LIN9: variants seen among roughly 807,000 people sequenced by gnomAD.
The protein encoded by LIN9 is protein lin-9 homolog.
In LIN9, 18 loss-of-function variants were observed where a neutral mutation model predicts 78.0. The observed-to-expected ratio is 0.23, with a 90% CI of 0.16 to 0.34. The LOEUF (loss-of-function observed/expected upper bound fraction) is 0.34. LIN9 is among the 10% of genes least tolerant of loss of function. The probability of loss-of-function intolerance (pLI) is 1.00; values close to 1 mark genes in which losing one functional copy is unlikely to be tolerated. For missense variants in LIN9, 451 were observed against 644.1 expected (o/e 0.70, Z 3.25); for synonymous variants, 192 against 215.2 (o/e 0.89, Z 0.94).
intron 10 of LIN9, among the ~76,000 whole-genome samples, chr1:226,264,854 G>GAATA (rs1659817288): frequency 6.6e-6 from 1 of 151,774 alleles, no homozygotes; most frequent in African/African-American, 2.4e-5. Context: ...GTCTCAAAAT[G>GAATA]AATAAATAAA....
At chr1:226,271,252 C>T (rs182071424) in intron 7 of LIN9, among the ~76,000 whole-genome samples, 2 of 152,318 alleles carry the variant, frequency 1.3e-5, no homozygotes, top group African/African-American at 4.8e-5. Flanking sequence ...GTGCTTCTAA[C>T]TCTGTATCTG....
intron 4 of LIN9, among the ~76,000 whole-genome samples, chr1:226,288,677 G>T (rs1002752465): frequency 3.9e-5 from 6 of 151,918 alleles, no homozygotes; most frequent in African/African-American, 1.5e-4. Context: ...GCACAAAAAT[G>T]GACATAAACA....
intron 4 of LIN9, among the ~76,000 whole-genome samples, chr1:226,292,929 A>G (rs1661886529): frequency 2.0e-5 from 3 of 152,216 alleles, no homozygotes. Context: ...AATGGGAAAT[A>G]ATGTAACAGT....
At chr1:226,307,971 C>T (rs1663023582) in intron 1 of LIN9, among the ~76,000 whole-genome samples, 1 of 152,186 alleles carries the variant, frequency 6.6e-6, no homozygotes. Flanking sequence ...TTTTCACCAG[C>T]TTGGCAACTT....
chr1:226,288,873 A>C (rs1468720890), intron 4 of LIN9, among the ~76,000 whole-genome samples: 1 of 152,234 alleles, frequency 6.6e-6, no homozygotes, highest in African/African-American at 2.4e-5. Context: ...CAAAATGCCA[A>C]CAGGATTTTT....
At position 226,277,712 on chromosome 1, in the gene LIN9, C is replaced by T; in HGVS notation, c.682+63G>A. ...TGAAATAAAATAAGAACCAAAGAAA[C>T]AAAAAAGATTACCTTGATTAAAAAT... On this transcript the variant is annotated intron_variant, in intron 7 of 14. Transcript: ENST00000681046. 4 of 1,426,492 alleles carry T rather than the reference C, an allele frequency of 2.8e-6. No homozygotes were observed. The South Asian group carries it at 3.7e-5, about 13-fold the overall frequency. 88.4% of individuals were successfully genotyped at this position (1,426,492 alleles called of 1,614,324 possible). A position where few individuals can be genotyped will look rare whatever the true frequency, so the allele number is the denominator to read the frequency against.
At chr1:226,233,555 T>A (rs762120774) in intron 12 of LIN9, 32 bp from the exon 13 acceptor site, 14 of 1,532,724 alleles carry the variant, frequency 9.1e-6, no homozygotes, top group East Asian at 7.0e-5. Context: ...ATGAGACGCA[T>A]GTTCGAGAAG....
intron 4 of LIN9, among the ~76,000 whole-genome samples, chr1:226,291,632 T>C (rs1661800630): frequency 1.3e-5 from 2 of 152,172 alleles, no homozygotes; most frequent in Admixed American, 1.3e-4. Context: ...TTATAAACTT[T>C]GTATTTTGGA....
At chr1:226,308,998 G>T in intron 1 of LIN9, 111 bp downstream of exon 1, 1 of 1,112,270 alleles carries the variant, frequency 9.0e-7, no homozygotes, top group Non-Finnish European at 1.2e-6. Context: ...CAGTGGGGCT[G>T]GCAGTCAGCC....
rs768222376 is a variant in LIN9 at position 226,277,856 on chromosome 1, T to G, written c.601A>C (p.Arg201=). 6.2e-6 allele frequency: 10 copies of G among 1,613,882 alleles called. No individual in the cohort carries two copies. The East Asian group carries it at 2.2e-4, about 36-fold the overall frequency. The change falls in exon 7 of 15, where the codon AGG becomes CGG. Residue 201 remains arginine, a synonymous_variant. Transcript: ENST00000681046. ...KRQKIRLLQQ[R]KVADVSQFKD... ...AATTGTGAAACATCTGCAACTTTCC[T>G]TTGTTGTAAGAGCCTTATTTTCTGC...
chr1:226,283,760 C>G (rs922818205), intron 6 of LIN9, among the ~76,000 whole-genome samples: 2 of 151,978 alleles, frequency 1.3e-5, no homozygotes, highest in South Asian at 2.1e-4. Flanking sequence ...CCAGTCTGAC[C>G]AACATGGTGA....
Position 226,250,878 on chromosome 1 carries a change from G to T in LIN9, c.1080C>A (p.Ile360=). 1 of 1,542,612 alleles carries T rather than the reference G, an allele frequency of 6.5e-7. No individual in the cohort carries two copies. The highest frequency in any genetic ancestry group is 8.9e-7 in the Non-Finnish European group (1 of 1,126,128). Residue 360 remains isoleucine, a synonymous_variant, in exon 11 of 15, where the codon ATC becomes ATA. Transcript: ENST00000681046. ...SKILMIKKEH[I]KKLREMNTEA... ...CTGTGTTCATTTCCCTTAATTTCTTGATATGTTCCTTTTTAATCATGAGAA... is the reference window on the plus strand; with the variant it reads ...CTGTGTTCATTTCCCTTAATTTCTTTATATGTTCCTTTTTAATCATGAGAA...
intron 6 of LIN9, among the ~76,000 whole-genome samples, chr1:226,280,777 A>G (rs939795350): frequency 2.0e-5 from 3 of 152,144 alleles, no homozygotes; most frequent in African/African-American, 7.2e-5. Flanking sequence ...CCATCTCAAA[A>G]ACAAACACAT....
rs113088294 is a variant in LIN9 at position 226,248,999 on chromosome 1, C to T, written c.1119+1840G>A. The stretch of plus-strand genomic sequence containing the variant: ...CGTTTTACACTGAAGCCTACATCTC[C>T]TTGGTTTGCGAAACAACCCAAAATA... On this transcript the variant is annotated intron_variant, in intron 11 of 14. Transcript: ENST00000681046. Among the ~76,000 whole-genome samples, 6 of 152,312 alleles carry T rather than the reference C, an allele frequency of 3.9e-5. 1 individual carries two copies. Among genetic ancestry groups the T allele is most frequent in the African/African-American group, 1.4e-4 (6 of 41,576 alleles).
intron 7 of LIN9, among the ~76,000 whole-genome samples, chr1:226,275,118 A>G (rs1372546888): frequency 6.6e-6 from 1 of 152,212 alleles, no homozygotes; most frequent in Non-Finnish European, 1.5e-5. Context: ...TTTCGATCCC[A>G]TCACACTTGC....
intron 5 of LIN9, among the ~76,000 whole-genome samples, chr1:226,286,711 T>C (rs1449905619): frequency 2.6e-5 from 4 of 152,208 alleles, no homozygotes; most frequent in Non-Finnish European, 4.4e-5. Flanking sequence ...TACAGGTATA[T>C]CCTTTGGGAG....
chr1:226,286,158 G>A (rs1029134893), intron 6 of LIN9, among the ~76,000 whole-genome samples, 175 bp downstream of exon 6: 1 of 151,620 alleles, frequency 6.6e-6, no homozygotes, highest in East Asian at 1.9e-4. Context: ...TCACTGTGTT[G>A]CCCAGGCTAG....
At chr1:226,262,485 C>T (rs1410869701) in intron 10 of LIN9, among the ~76,000 whole-genome samples, 1 of 152,054 alleles carries the variant, frequency 6.6e-6, no homozygotes, top group Admixed American at 6.6e-5. Flanking sequence ...TAACAGACAC[C>T]TCACCAAAGA....
intron 7 of LIN9, among the ~76,000 whole-genome samples, chr1:226,275,147 C>T (rs1384515175): frequency 6.6e-6 from 1 of 152,146 alleles, no homozygotes; most frequent in African/African-American, 2.4e-5. Context: ...TTTGTAGGGG[C>T]TGGTCTGTTT....
Sources: gnomAD v4.1 joint callset for allele counts (sites outside exome capture counted in the v4.1 genomes callset) on GRCh38, gnomAD v4.1.1 for gene constraint, MANE v1.5 for transcripts, NCBI Gene and HGNC (gene_info 2026-07-23, HGNC 2026-07-21) for gene names.